Variants in ELF2 observed in about 807,000 individuals in gnomAD.
ELF2 encodes the protein ETS-related transcription factor Elf-2.
A neutral mutation model predicts 54.8 loss-of-function variants in ELF2; 11 were observed. The ratio of observed to expected loss-of-function variants is 0.20; its 90% CI spans 0.13 to 0.33. The LOEUF (loss-of-function observed/expected upper bound fraction) is 0.33. Among genes scored for constraint, ELF2 ranks in the 10% least tolerant of loss-of-function variants. The pLI, the probability that ELF2 is intolerant of heterozygous loss-of-function variation, is 1.00. For synonymous variants in ELF2, 203 were observed against 245.1 expected, an observed-to-expected ratio of 0.83 and a Z score of 1.61; for missense variants, 513 against 703.0, an observed-to-expected ratio of 0.73 and a Z score of 3.06.
chr4:139,067,903 G>C (rs368629234), intron 6 of ELF2, 133 bp from the exon 7 acceptor site: 2 of 827,912 alleles, frequency 2.4e-6, no homozygotes, highest in African/African-American at 1.7e-5. Context: ...TCTATGAAAA[G>C]CTGCTTCTAA....
intron 4 of ELF2, chr4:139,114,897 G>A: frequency 1.2e-6 from 2 of 1,610,586 alleles, no homozygotes; most frequent in South Asian, 1.1e-5. Flanking sequence ...CGATTGTCCT[G>A]TGGGAACCAC....
intron 1 of ELF2, among the ~76,000 whole-genome samples, chr4:139,150,886 T>C (rs1439209136): frequency 4.6e-5 from 7 of 150,772 alleles, no homozygotes; most frequent in Admixed American, 4.6e-4. Context: ...TTAGCCGGGC[T>C]TGGTGGCGGG....
chr4:139,067,440 T>G (rs1560760568), intron 7 of ELF2: 11 of 436,092 alleles, frequency 2.5e-5, no homozygotes, highest in Non-Finnish European at 4.2e-5. Context: ...CTTTGGACTT[T>G]TTCCAAGTCC....
rs370955690 is a variant in ELF2, at chr4:139,107,965, GA to G, written c.238+17198del. ...TGGAAGCTAGAGAGCCAGGAGAAGA[GA>G]AAAAAAAAAAGGCATGGTAAGAGCT... On this transcript the variant is annotated intron_variant, in intron 4 of 9. Transcript: ENST00000686138. Among the ~76,000 whole-genome samples the G allele has an allele frequency of 9.6e-3, 1,311 of 137,074 alleles. 22 individuals carry two copies. The highest frequency in any genetic ancestry group is 0.03 in the African/African-American group (1,124 of 37,572). 89.9% of individuals were successfully genotyped at this position (137,074 alleles called of 152,430 possible). A position where few individuals can be genotyped will look rare whatever the true frequency, so the allele number is the denominator to read the frequency against.
intron 5 of ELF2, among the ~76,000 whole-genome samples, chr4:139,072,815 A>G (rs1180907029): frequency 6.6e-6 from 1 of 152,240 alleles, no homozygotes; most frequent in African/African-American, 2.4e-5. Flanking sequence ...AGTAATACAC[A>G]GGATTCTATT....
Position 139,061,175 on chromosome 4 carries a change from T to C in ELF2, c.807-501A>G, listed in dbSNP as rs1009091417. On this transcript the variant is annotated intron_variant, in intron 8 of 9. Coordinates refer to ENST00000686138, the MANE Select transcript of ELF2 (RefSeq NM_001331036.3). ...GAATTTTGTGGGTTTATCAAACTGA[T>C]AATTTTTTTTTTTTTTTTTTTGAGA... 4.1e-5 allele frequency among the ~76,000 whole-genome samples: 6 copies of C among 147,200 alleles called. No individual in the cohort carries two copies. The East Asian group carries it at 1.1e-3, about 26-fold the overall frequency.
chr4:139,115,154 A>G (rs1735514213), intron 4 of ELF2: 1 of 1,612,068 alleles, frequency 6.2e-7, no homozygotes, highest in South Asian at 1.1e-5. Flanking sequence ...TCCAGGATCC[A>G]CTCCTCTAGG....
At chr4:139,115,401 A>T in intron 4 of ELF2, 6 of 1,003,348 alleles carry the variant, frequency 6.0e-6, no homozygotes, top group Non-Finnish European at 7.1e-6. Flanking sequence ...ACGTGCGCGC[A>T]TCGGGCCCCT....
At chr4:139,063,127 G>T (rs1324428286) in intron 7 of ELF2, among the ~76,000 whole-genome samples, 2 of 152,038 alleles carry the variant, frequency 1.3e-5, no homozygotes, top group Admixed American at 1.3e-4. Context: ...GCATGGTGGC[G>T]TGCACCTGTA....
At chr4:139,151,027 A>G (rs558747723) in intron 1 of ELF2, among the ~76,000 whole-genome samples, 2 of 124,826 alleles carry the variant, frequency 1.6e-5, no homozygotes, top group African/African-American at 6.9e-5. Context: ...CCATCTCAAA[A>G]AAAAAAAAGA....
intron 4 of ELF2, among the ~76,000 whole-genome samples, chr4:139,119,636 C>A (rs982543032): frequency 2.0e-5 from 3 of 152,172 alleles, no homozygotes; most frequent in Middle Eastern, 3.2e-3. Context: ...GCAGTACTGC[C>A]CTGTCTCTTA....
At chr4:139,119,637 C>A (rs1736109953) in intron 4 of ELF2, among the ~76,000 whole-genome samples, 1 of 152,190 alleles carries the variant, frequency 6.6e-6, no homozygotes, top group South Asian at 2.1e-4. Flanking sequence ...CAGTACTGCC[C>A]TGTCTCTTAC....
At chr4:139,112,082 A>G (rs1250117595) in intron 4 of ELF2, among the ~76,000 whole-genome samples, 1 of 152,226 alleles carries the variant, frequency 6.6e-6, no homozygotes, top group Middle Eastern at 3.2e-3. Flanking sequence ...AACAGATACA[A>G]AGCTTTAAAA....
At chr4:139,063,620 T>A (rs1486485251) in intron 7 of ELF2, among the ~76,000 whole-genome samples, 17 of 152,128 alleles carry the variant, frequency 1.1e-4, no homozygotes, top group Admixed American at 1.1e-3. Context: ...ATAATTTAGT[T>A]GAGAAGGGGA....
Position 139,144,317 on chromosome 4 carries a change from G to C in ELF2, c.-251-4820C>G, listed in dbSNP as rs187261276. On this transcript the variant is annotated intron_variant, in intron 1 of 9. Coordinates refer to ENST00000686138, the MANE Select transcript of ELF2 (RefSeq NM_001331036.3). ...GTGGAGAATATACAAGAAGCACCAG[G>C]GGCGGGAAGAGCCTTGTGCGTATTC... 1.1e-3 allele frequency among the ~76,000 whole-genome samples: 175 copies of C among 152,240 alleles called. 1 individual carries two copies. The highest frequency in any genetic ancestry group is 3.9e-3 in the African/African-American group (163 of 41,552).
At chr4:139,138,323 A>G (rs1378120916) in intron 2 of ELF2, among the ~76,000 whole-genome samples, 1 of 152,124 alleles carries the variant, frequency 6.6e-6, no homozygotes, top group Admixed American at 6.5e-5. Context: ...AGGCTGAGGC[A>G]GGAGAATCAC....
chr4:139,098,342 T>C (rs896799659), intron 4 of ELF2, among the ~76,000 whole-genome samples: 6 of 152,196 alleles, frequency 3.9e-5, no homozygotes, highest in African/African-American at 1.4e-4. Flanking sequence ...TTCTAGATTG[T>C]TCCTTTTAGC....
rs1727371938 is a variant in ELF2, at chr4:139,058,742, C to T, written c.*241G>A. 2.2e-6 allele frequency: 1 copy of T among 461,390 alleles called. No individual in the cohort carries two copies. Among genetic ancestry groups the T allele is most frequent in the South Asian group, 3.7e-5 (1 of 27,336 alleles). The allele number at this position is 461,390 out of a possible 1,614,324, so 28.6% of individuals were successfully genotyped here. On this transcript the variant is annotated 3_prime_UTR_variant, in exon 10 of 10. Transcript: ENST00000686138. ...TGCTTGGTCCCTTTCGATCCTTTTT[C>T]TTATTGATGGGTTCAGTTGTTTCCT...
intron 1 of ELF2, among the ~76,000 whole-genome samples, chr4:139,174,183 G>A (rs1742655937): frequency 6.9e-6 from 1 of 144,824 alleles, no homozygotes; most frequent in South Asian, 2.2e-4. Flanking sequence ...CTCCAGCCTA[G>A]GCGACAGAGC....
Sources: allele counts gnomAD v4.1 joint callset (sites outside exome capture counted in the v4.1 genomes callset), GRCh38; gene constraint gnomAD v4.1.1; transcripts MANE v1.5; gene names NCBI Gene and HGNC (gene_info 2026-07-23, HGNC 2026-07-21).